The following CAMTA1 variants were observed in gnomAD, a reference collection of about 807,000 sequenced individuals.
CAMTA1 encodes the protein calmodulin-binding transcription activator 1.
A neutral mutation model predicts 170.9 loss-of-function variants in CAMTA1; 27 were observed. That is an observed-to-expected ratio of 0.16 (90% CI 0.12 to 0.22). The LOEUF is 0.22. Among genes scored for constraint, CAMTA1 ranks in the 10% least tolerant of loss-of-function variants. The pLI is 1.00. For synonymous variants in CAMTA1, 833 were observed against 891.5 expected (o/e 0.93, Z 1.17); for missense variants, 1,619 against 2,217.2 (o/e 0.73, Z 5.42).
At chr1:7,613,994 ACC>A in intron 6 of CAMTA1, among the ~76,000 whole-genome samples, 1 of 103,762 alleles carries the variant, frequency 9.6e-6, no homozygotes, top group African/African-American at 3.7e-5. Context: ...GGCAGGCCTG[ACC>A]CAGAGGGGTG....
At chr1:7,614,747 A>G (rs2095547935) in intron 6 of CAMTA1, among the ~76,000 whole-genome samples, 1 of 152,088 alleles carries the variant, frequency 6.6e-6, no homozygotes, top group Admixed American at 6.5e-5. Flanking sequence ...CTAGACTGTG[A>G]ACATCAAATC....
intron 3 of CAMTA1, among the ~76,000 whole-genome samples, chr1:7,034,286 A>G (rs1054820650): frequency 2.6e-5 from 4 of 152,088 alleles, no homozygotes; most frequent in African/African-American, 9.7e-5. Context: ...CCTCCCAAGT[A>G]GCTGGGATTA....
chr1:7,016,115 TA>T (rs201396728), intron 3 of CAMTA1, among the ~76,000 whole-genome samples: 4,699 of 152,276 alleles, frequency 0.031, 224 homozygotes, highest in African/African-American at 0.11. Context: ...TGCCCCATCC[TA>T]ACCCCCCGAA....
At chr1:7,705,643 C>T (rs1383758356) in intron 11 of CAMTA1, among the ~76,000 whole-genome samples, 2 of 152,144 alleles carry the variant, frequency 1.3e-5, no homozygotes, top group Middle Eastern at 3.4e-3. Flanking sequence ...CTTCCCGCGG[C>T]GGGGCCCGCG....
intron 6 of CAMTA1, among the ~76,000 whole-genome samples, chr1:7,520,665 G>A (rs919433719): frequency 1.3e-5 from 2 of 152,090 alleles, no homozygotes; most frequent in Non-Finnish European, 2.9e-5. Flanking sequence ...AGCACTGGCT[G>A]CAGAGTTGGG....
intron 1 of CAMTA1, among the ~76,000 whole-genome samples, chr1:6,786,587 A>G (rs1639457891): frequency 6.6e-6 from 1 of 152,162 alleles, no homozygotes; most frequent in African/African-American, 2.4e-5. Flanking sequence ...CTCTGAAGTC[A>G]TTTCTAAATA....
intron 21 of CAMTA1, 54 bp downstream of exon 21, chr1:7,752,587 T>G (rs746249873): frequency 9.9e-6 from 14 of 1,411,084 alleles, no homozygotes; most frequent in Non-Finnish European, 1.4e-5. Context: ...GAAGCAACCC[T>G]GACCTTCTTA....
chr1:6,997,677 T>TTTTTTTTTTA (rs1697511666), intron 3 of CAMTA1, among the ~76,000 whole-genome samples: 1 of 149,752 alleles, frequency 6.7e-6, no homozygotes, highest in Non-Finnish European at 1.5e-5. Context: ...TTTTTTTTTT[T>TTTTTTTTTTA]GAGACAGAGT....
intron 4 of CAMTA1, among the ~76,000 whole-genome samples, chr1:7,196,681 T>C (rs749737436): frequency 2.6e-5 from 4 of 151,090 alleles, no homozygotes; most frequent in Non-Finnish European, 4.4e-5. Context: ...TTGCTAAGGG[T>C]TGTTGAGCAA....
At chr1:7,543,191 G>A (rs1045340630) in intron 6 of CAMTA1, among the ~76,000 whole-genome samples, 27 of 152,278 alleles carry the variant, frequency 1.8e-4, no homozygotes, top group African/African-American at 5.8e-4. Flanking sequence ...TAATGGCTGC[G>A]TAATATCCCA....
chr1:7,671,867 G>A (rs1306023246), intron 10 of CAMTA1, among the ~76,000 whole-genome samples: 1 of 152,180 alleles, frequency 6.6e-6, no homozygotes, highest in Non-Finnish European at 1.5e-5. Context: ...TGGGGTCAGG[G>A]ACTATCTTCT....
intron 3 of CAMTA1, among the ~76,000 whole-genome samples, chr1:7,027,248 C>T (rs1702150141): frequency 6.6e-6 from 1 of 152,140 alleles, no homozygotes; most frequent in Non-Finnish European, 1.5e-5. Context: ...ACACACATCA[C>T]TCACTAGCTG....
chr1:7,568,374 C>T (rs2095072322), intron 6 of CAMTA1, among the ~76,000 whole-genome samples: 1 of 151,074 alleles, frequency 6.6e-6, no homozygotes, highest in African/African-American at 2.4e-5. Context: ...ACTGTCATCA[C>T]CACATCACCA....
rs866496020 is a variant in CAMTA1, at chr1:7,188,321, A to C, written c.303-61170A>C. Among the ~76,000 whole-genome samples, 30 of 152,358 alleles carry C rather than the reference A, an allele frequency of 2.0e-4. No individual in the cohort carries two copies. The Middle Eastern group carries it at 0.02, about 104-fold the overall frequency. On this transcript the variant is annotated intron_variant, in intron 4 of 22. Coordinates refer to ENST00000303635, the MANE Select transcript of CAMTA1 (RefSeq NM_015215.4). ...GAAATTGTGGTGAAATGCACCTAAC[A>C]TAACATTTACCACTTTAACCATTTT...
At chr1:7,016,064 G>A (rs140015051) in intron 3 of CAMTA1, among the ~76,000 whole-genome samples, 1 of 152,166 alleles carries the variant, frequency 6.6e-6, no homozygotes, top group African/African-American at 2.4e-5. Context: ...CATGAGATTT[G>A]GGTGGGACAC....
In CAMTA1 at chr1:7,634,092, C is replaced by A. The variant is rs1313665010; in HGVS notation, c.511-6308C>A. Reference sequence around the variant, plus strand: ...GGGCCTGATCTCAGTGCCAAGGAGCCGTCCGGAACAGCCCAACCACGCCTG... The same window carrying A: ...GGGCCTGATCTCAGTGCCAAGGAGCAGTCCGGAACAGCCCAACCACGCCTG... On this transcript the variant is annotated intron_variant, in intron 6 of 22. Coordinates refer to ENST00000303635, the MANE Select transcript of CAMTA1 (RefSeq NM_015215.4). This position sits in a 1 kb window ranked among gnomAD's most constrained non-coding sequence, Gnocchi z 6.2. 6.6e-6 allele frequency among the ~76,000 whole-genome samples: 1 copy of A among 152,102 alleles called. No homozygotes were observed. Among genetic ancestry groups the A allele is most frequent in the Non-Finnish European group, 1.5e-5 (1 of 68,030 alleles).
intron 3 of CAMTA1, among the ~76,000 whole-genome samples, chr1:7,027,909 C>CT (rs1174239473): frequency 0.021 from 2,947 of 143,120 alleles, 95 homozygotes; most frequent in African/African-American, 0.069. Flanking sequence ...TTTTTCTTTT[C>CT]TTTTTTTTTT....
chr1:7,297,007 G>A (rs1005904973), intron 5 of CAMTA1, among the ~76,000 whole-genome samples: 1 of 152,214 alleles, frequency 6.6e-6, no homozygotes, highest in African/African-American at 2.4e-5. Flanking sequence ...ATGGTTAGCT[G>A]TGCCAAATGC....
chr1:7,284,418 G>A (rs1317949396), intron 5 of CAMTA1, among the ~76,000 whole-genome samples: 1 of 151,984 alleles, frequency 6.6e-6, no homozygotes, highest in African/African-American at 2.4e-5. Context: ...TAGCCAGGCT[G>A]GTCTTGAACT....
Sources: allele counts gnomAD v4.1 joint callset (sites outside exome capture counted in the v4.1 genomes callset), GRCh38; gene constraint gnomAD v4.1.1; non-coding constraint Gnocchi (gnomAD v3.1); transcripts MANE v1.5; gene names NCBI Gene and HGNC (gene_info 2026-07-23, HGNC 2026-07-21).